MICAL2: variants seen among roughly 807,000 people sequenced by gnomAD.
The protein encoded by MICAL2 is microtubule associated monooxygenase, calponin and LIM domain containing 2.
MICAL2 carries 77 observed loss-of-function variants against 127.3 expected under a neutral mutation model. The observed-to-expected ratio is 0.60, with a 90% CI of 0.50 to 0.73. The LOEUF is 0.73. MICAL2 is among the 30% of genes least tolerant of loss of function. MICAL2 has a pLI of 0.00. For missense variants in MICAL2, 1,351 were observed against 1,434.4 expected, an observed-to-expected ratio of 0.94 and a Z score of 0.94; for synonymous variants, 570 against 551.1, an observed-to-expected ratio of 1.03 and a Z score of -0.48.
intron 14 of MICAL2, 148 bp downstream of exon 14, chr11:12,226,518 C>G: frequency 4.3e-6 from 3 of 696,074 alleles, no homozygotes; most frequent in Non-Finnish European, 7.1e-6. Flanking sequence ...GGTGACTCCA[C>G]TCACCCAGCC....
chr11:12,170,923 CAG>C (rs1856169946), intron 3 of MICAL2, among the ~76,000 whole-genome samples: 13 of 152,338 alleles, frequency 8.5e-5, no homozygotes, highest in African/African-American at 3.1e-4. Context: ...GGAAGATGCA[CAG>C]GGATAGAGGA....
chr11:12,290,414 A>G (rs1021763360), downstream of MICAL2, among the ~76,000 whole-genome samples: 3 of 152,124 alleles, frequency 2.0e-5, no homozygotes, highest in African/African-American at 7.2e-5. Flanking sequence ...GGGGGAACAA[A>G]AAGGCAGTCT....
intron 33 of MICAL2, among the ~76,000 whole-genome samples, chr11:12,350,646 C>A (rs1280959236): frequency 1.3e-5 from 2 of 152,066 alleles, no homozygotes; most frequent in Non-Finnish European, 2.9e-5. Context: ...GGTTCTGAGC[C>A]AGGTGAGAAA....
intron 8 of MICAL2, among the ~76,000 whole-genome samples, chr11:12,217,548 G>A (rs1856334485): frequency 6.6e-6 from 1 of 152,166 alleles, no homozygotes; most frequent in East Asian, 1.9e-4. Context: ...TCCTGAAGTT[G>A]CCGCCTTAGT....
intron 2 of MICAL2, among the ~76,000 whole-genome samples, chr11:12,150,745 G>T (rs1316774651): frequency 2.6e-5 from 4 of 152,206 alleles, no homozygotes; most frequent in Non-Finnish European, 5.9e-5. Flanking sequence ...TTCCCCTGGA[G>T]AGTGCCTTTA....
At chr11:12,255,843 C>T in intron 23 of MICAL2, 93 bp downstream of exon 23, 1 of 927,614 alleles carries the variant, frequency 1.1e-6, no homozygotes, top group East Asian at 2.7e-5. Flanking sequence ...CCCTGGCCCT[C>T]CCGAGGCTCC....
chr11:12,227,004 T>C (rs780102411), intron 14 of MICAL2, 21 bp from the exon 15 acceptor site: 1 of 1,591,136 alleles, frequency 6.3e-7, no homozygotes, highest in Admixed American at 1.7e-5. Context: ...CAAATCACAG[T>C]TGCGCTTTAT....
At chr11:12,203,431 C>T (rs955747888) in intron 3 of MICAL2, among the ~76,000 whole-genome samples, 2 of 152,188 alleles carry the variant, frequency 1.3e-5, no homozygotes, top group Non-Finnish European at 2.9e-5. Context: ...ACTTGCTGTT[C>T]TCTTTTTTAT....
intron 24 of MICAL2, 42 bp from the exon 25 acceptor site, chr11:12,258,426 C>A: frequency 6.6e-7 from 1 of 1,516,434 alleles, no homozygotes; most frequent in Non-Finnish European, 9.2e-7. Flanking sequence ...CTCTAGTTTA[C>A]AGGAGAAAAA....
chr11:12,155,907 T>C (rs888820862), intron 2 of MICAL2, among the ~76,000 whole-genome samples: 1 of 152,210 alleles, frequency 6.6e-6, no homozygotes, highest in Non-Finnish European at 1.5e-5. Flanking sequence ...ACTGCCTCAT[T>C]GGGACCTCCC....
rs368253911 is a variant in MICAL2 at position 12,242,365 on chromosome 11, G to A, written c.2489G>A (p.Arg830His). Reference sequence around the variant, plus strand: ...AATTTCGCTACCCTGCCTTCTACCCGCCCGAGGGCGCAGGCTCTTTCCGGG... The same window carrying A: ...AATTTCGCTACCCTGCCTTCTACCCACCCGAGGGCGCAGGCTCTTTCCGGG... ...TENFATLPST[R>H]PRAQALSGVL... Residue 830 changes from arginine (R) to histidine (H), a missense_variant, in exon 19 of 28, where the codon CGC becomes CAC. Arg to His is a conservative substitution (Grantham distance 29). Around this residue, in one of 2 missense-constraint regions of MICAL2, gnomAD observed 752 missense variants for 719.4 expected, o/e 1.05. Coordinates refer to ENST00000683283, the MANE Select transcript of MICAL2 (RefSeq NM_001282663.2). The A allele has an allele frequency of 2.9e-5, 46 of 1,613,882 alleles. No individual in the cohort carries two copies. Among genetic ancestry groups the A allele is most frequent in the Middle Eastern group, 1.6e-4 (1 of 6,076 alleles).
chr11:12,309,064 CAT>C (rs1272978928), intron 29 of MICAL2, among the ~76,000 whole-genome samples: 2 of 152,044 alleles, frequency 1.3e-5, no homozygotes, highest in Non-Finnish European at 2.9e-5. Flanking sequence ...CTTGATAAAT[CAT>C]AGTTTTATTT....
At chr11:12,344,710 C>CCTG (rs1200242086) in intron 32 of MICAL2, among the ~76,000 whole-genome samples, 2 of 150,214 alleles carry the variant, frequency 1.3e-5, no homozygotes, top group Non-Finnish European at 3.0e-5. Context: ...CATATTGGCT[C>CCTG]AGCTGGTCTT....
downstream of MICAL2, among the ~76,000 whole-genome samples, chr11:12,264,808 G>A (rs2641933): frequency 0.9 from 136,710 of 152,180 alleles, 62,396 homozygotes; most frequent in Non-Finnish European, 0.98. Context: ...ATTCCTTTAT[G>A]CATTCATTTA....
At chr11:12,344,467 AG>A (rs1355040281) in intron 32 of MICAL2, among the ~76,000 whole-genome samples, 3 of 131,450 alleles carry the variant, frequency 2.3e-5, no homozygotes, top group African/African-American at 8.2e-5. Flanking sequence ...TCAAAATTCT[AG>A]AAACTATTAT....
intron 1 of MICAL2, among the ~76,000 whole-genome samples, chr11:12,280,721 C>T (rs1863762174): frequency 6.6e-6 from 1 of 152,236 alleles, no homozygotes; most frequent in African/African-American, 2.4e-5. Context: ...GCAGTCATAT[C>T]TGAAGGTACT....
At chr11:12,311,699 C>T (rs1864176530) in intron 29 of MICAL2, among the ~76,000 whole-genome samples, 1 of 152,240 alleles carries the variant, frequency 6.6e-6, no homozygotes, top group South Asian at 2.1e-4. Context: ...AGGCACCATG[C>T]CTGGCCAAAT....
rs527945154 is a variant in MICAL2 at position 12,209,509 on chromosome 11, G to T, written c.602G>T (p.Arg201Leu). 6.2e-7 allele frequency: 1 copy of T among 1,613,706 alleles called. No homozygotes were observed. Among genetic ancestry groups the T allele is most frequent in the African/African-American group, 1.3e-5 (1 of 74,870 alleles). ...TCTGTCCTGGTAGAAATTGGCTGGC[G>T]GGCAGAATTTCTCCCTACAGACCAT... is the stretch of plus-strand genomic sequence containing the variant. ...EDQENQKIGW[R>L]AEFLPTDHSL... Residue 201 changes from arginine (R) to leucine (L), a missense_variant, in exon 6 of 28, where the codon CGG (arginine) becomes CTG (leucine). By Grantham distance (102) the Arg-to-Leu change is moderately radical. Coordinates refer to ENST00000683283, the MANE Select transcript of MICAL2 (RefSeq NM_001282663.2).
At position 12,224,821 on chromosome 11, in the gene MICAL2, G is replaced by A. The variant is rs1390027221; in HGVS notation, c.1688+1G>A. On this transcript the variant is annotated splice_donor_variant, in intron 13 of 27. Coordinates refer to ENST00000683283, the MANE Select transcript of MICAL2 (RefSeq NM_001282663.2). LOFTEE classifies it high-confidence loss of function. ...TCCACCGCTTCCGGCCTGAGCTCAT[G>A]TGAGTCTGGGGCCCAGGCTGGCCCC... The A allele has an allele frequency of 6.2e-7, 1 of 1,609,132 alleles. No homozygotes were observed. The highest frequency in any genetic ancestry group is 8.5e-7 in the Non-Finnish European group (1 of 1,175,790).
Sources: allele counts gnomAD v4.1 joint callset (sites outside exome capture counted in the v4.1 genomes callset), GRCh38; gene constraint gnomAD v4.1.1; regional missense constraint gnomAD v4.1.1; transcripts MANE v1.5; gene names NCBI Gene and HGNC (gene_info 2026-07-23, HGNC 2026-07-21).